TIA1: variants seen among roughly 807,000 people sequenced by gnomAD.
TIA1 encodes the protein cytotoxic granule associated RNA binding protein TIA1.
In TIA1, 23 loss-of-function variants were observed where a neutral mutation model predicts 65.9. The ratio of observed to expected loss-of-function variants is 0.35; its 90% CI spans 0.25 to 0.49. The LOEUF is 0.49. TIA1 is among the 20% of genes least tolerant of loss of function. TIA1 has a pLI of 0.98. For missense variants in TIA1, 371 were observed against 477.9 expected (o/e 0.78, Z 2.09); for synonymous variants, 147 against 149.4 (o/e 0.98, Z 0.12).
chr2:70,231,016 T>C (rs1000079942), intron 2 of TIA1, among the ~76,000 whole-genome samples, 162 bp from the exon 3 acceptor site: 1 of 152,124 alleles, frequency 6.6e-6, no homozygotes, highest in Non-Finnish European at 1.5e-5. Flanking sequence ...TTTAAAAAAG[T>C]AGGCTGGGTG....
At chr2:70,231,678 T>A (rs1394964949) in intron 2 of TIA1, among the ~76,000 whole-genome samples, 2 of 152,184 alleles carry the variant, frequency 1.3e-5, no homozygotes, top group Admixed American at 1.3e-4. Flanking sequence ...GATTTTTCTA[T>A]CCCCTCCCTG....
rs1676584945 is a variant in TIA1 at position 70,211,939 on chromosome 2, T to C, written c.*780A>G. 4 of 152,676 alleles carry C rather than the reference T, an allele frequency of 2.6e-5. No homozygotes were observed. The South Asian group carries it at 8.3e-4, about 32-fold the overall frequency. 9.5% of individuals were successfully genotyped at this position (152,676 alleles called of 1,614,324 possible). A position where few individuals can be genotyped will look rare whatever the true frequency, so the allele number is the denominator to read the frequency against. On this transcript the variant is annotated 3_prime_UTR_variant, in exon 13 of 13. Transcript: ENST00000433529. ...CTTTAGTAACAAGTTTTTGTTTTTA[T>C]AGTTCCTGGTACACAGCAAAGTTTA...
At chr2:70,239,815 G>A (rs1347396350) in intron 1 of TIA1, among the ~76,000 whole-genome samples, 2 of 152,186 alleles carry the variant, frequency 1.3e-5, no homozygotes, top group Non-Finnish European at 2.9e-5. Flanking sequence ...AGTATTGGGA[G>A]TTATTACTAC....
At chr2:70,228,838 C>G (rs760109838) in intron 5 of TIA1, 17 of 1,418,148 alleles carry the variant, frequency 1.2e-5, no homozygotes, top group Non-Finnish European at 1.5e-5. Context: ...TCTAAGGCAT[C>G]AGCTGCTACC....
intron 4 of TIA1, 82 bp downstream of exon 4, chr2:70,229,182 C>T: frequency 6.3e-7 from 1 of 1,597,948 alleles, no homozygotes. Flanking sequence ...TTACTGCAAA[C>T]ATGTATGATG....
chr2:70,248,499 A>G lies in TIA1; in HGVS notation c.-69T>C. On this transcript the variant is annotated 5_prime_UTR_variant, in exon 1 of 13. Transcript: ENST00000433529. ...CCTTCACTACCTCCCAAATCGTTTAAGCGGTTATGGCTACAGGATAGTGGG... is the reference window on the plus strand; with the variant it reads ...CCTTCACTACCTCCCAAATCGTTTAGGCGGTTATGGCTACAGGATAGTGGG... 1 of 1,599,280 alleles carries G rather than the reference A, an allele frequency of 6.3e-7. No individual in the cohort carries two copies. The highest frequency in any genetic ancestry group is 8.5e-7 in the Non-Finnish European group (1 of 1,179,176).
rs17005412 is a variant in TIA1, at chr2:70,217,920, A to G, written c.475-926T>C. Among the ~76,000 whole-genome samples the G allele has an allele frequency of 6.9e-3, 1,045 of 152,334 alleles. 13 individuals are homozygous for G. The highest frequency in any genetic ancestry group is 0.024 in the African/African-American group (1,008 of 41,568). ...GTTCATGCAACTCAGACTACTATAG[A>G]AGAAAATCTTAAACAATCTAACAAG... On this transcript the variant is annotated intron_variant, in intron 7 of 12. Transcript: ENST00000433529.
At chr2:70,217,929 T>C (rs1042667833) in intron 7 of TIA1, among the ~76,000 whole-genome samples, 2 of 152,226 alleles carry the variant, frequency 1.3e-5, no homozygotes, top group Non-Finnish European at 2.9e-5. Context: ...GAAGAAAATC[T>C]TAAACAATCT....
At chr2:70,247,805 T>G (rs946253013) in intron 1 of TIA1, among the ~76,000 whole-genome samples, 1 of 152,066 alleles carries the variant, frequency 6.6e-6, no homozygotes, top group Non-Finnish European at 1.5e-5. Context: ...GTTAGGCTTT[T>G]TGGTCGGTGG....
At chr2:70,237,916 C>T (rs1689769627) in intron 1 of TIA1, among the ~76,000 whole-genome samples, 1 of 151,824 alleles carries the variant, frequency 6.6e-6, no homozygotes, top group African/African-American at 2.4e-5. Context: ...AATCCCAGCA[C>T]TTTGGGAGGC....
chr2:70,215,325 C>A (rs1678108959), intron 11 of TIA1, 46 bp downstream of exon 11: 1 of 1,608,102 alleles, frequency 6.2e-7, no homozygotes, highest in African/African-American at 1.3e-5. Flanking sequence ...CTTAAAATAA[C>A]ATTATTAGCC....
chr2:70,214,203 A>T, intron 12 of TIA1, 146 bp downstream of exon 12: 1 of 901,118 alleles, frequency 1.1e-6, no homozygotes, highest in Non-Finnish European at 1.6e-6. Context: ...TTTTCTTACT[A>T]AAAAACAATT....
rs1693039779 is a variant in TIA1 at position 70,243,940 on chromosome 2, T to A, written c.26+4465A>T. On this transcript the variant is annotated intron_variant, in intron 1 of 12. Coordinates refer to ENST00000433529, the MANE Select transcript of TIA1 (RefSeq NM_022173.4). ...TACTTGCTTTTGCCAGTTTTAAGGTTAAGATAGGCTATACCACTACTCTGC... is the reference window on the plus strand; with the variant it reads ...TACTTGCTTTTGCCAGTTTTAAGGTAAAGATAGGCTATACCACTACTCTGC... Among the ~76,000 whole-genome samples the A allele has an allele frequency of 2.0e-5, 3 of 152,204 alleles. No individual in the cohort carries two copies. The South Asian group carries it at 6.2e-4, about 31-fold the overall frequency.
Position 70,218,709 on chromosome 2 carries a change from A to G in TIA1, c.475-1715T>C, listed in dbSNP as rs568952519. Among the ~76,000 whole-genome samples the G allele has an allele frequency of 2.0e-5, 3 of 152,372 alleles. No individual in the cohort carries two copies. The South Asian group carries it at 6.2e-4, about 32-fold the overall frequency. ...TGGCTTCCCAAAGTGCTGGGATTACAGGCGTGAGCCACCGCACCCGGCAAG... is the reference window on the plus strand; with the variant it reads ...TGGCTTCCCAAAGTGCTGGGATTACGGGCGTGAGCCACCGCACCCGGCAAG... On this transcript the variant is annotated intron_variant, in intron 7 of 12. Coordinates refer to ENST00000433529, the MANE Select transcript of TIA1 (RefSeq NM_022173.4).
At chr2:70,224,662 G>C (rs1277976651) in intron 6 of TIA1, 33 bp from the exon 7 acceptor site, 1 of 1,610,888 alleles carries the variant, frequency 6.2e-7, no homozygotes, top group Non-Finnish European at 8.5e-7. Context: ...GTTTAGGTTT[G>C]CAAACTATCC....
intron 1 of TIA1, among the ~76,000 whole-genome samples, chr2:70,236,647 A>G (rs972365053): frequency 1.3e-5 from 2 of 151,666 alleles, no homozygotes; most frequent in African/African-American, 4.8e-5. Flanking sequence ...TTTTTTTTTC[A>G]GACAAGGTCT....
At chr2:70,240,039 T>G (rs66641686) in intron 1 of TIA1, among the ~76,000 whole-genome samples, 12,806 of 152,252 alleles carry the variant, frequency 0.084, 566 homozygotes, top group East Asian at 0.18. Context: ...AATTAATGCT[T>G]AAACTACTAC....
intron 7 of TIA1, among the ~76,000 whole-genome samples, chr2:70,218,145 T>C (rs774842669): frequency 3.9e-5 from 6 of 152,190 alleles, no homozygotes; most frequent in African/African-American, 7.2e-5. Flanking sequence ...ATAGAGAATA[T>C]GGGCACAAGG....
intron 7 of TIA1, among the ~76,000 whole-genome samples, chr2:70,221,956 T>A (rs1251364028): frequency 6.6e-6 from 1 of 152,040 alleles, no homozygotes; most frequent in African/African-American, 2.4e-5. Flanking sequence ...CCTGGCTCAT[T>A]TTTTGTAGAG....
Sources: allele counts gnomAD v4.1 joint callset (sites outside exome capture counted in the v4.1 genomes callset), GRCh38; gene constraint gnomAD v4.1.1; transcripts MANE v1.5; gene names NCBI Gene and HGNC (gene_info 2026-07-23, HGNC 2026-07-21).